KIT: variants seen among roughly 807,000 people sequenced by gnomAD.
The protein encoded by KIT is mast/stem cell growth factor receptor Kit.
KIT carries 16 observed loss-of-function variants against 105.7 expected under a neutral mutation model. The ratio of observed to expected loss-of-function variants is 0.15; its 90% CI spans 0.10 to 0.23. The LOEUF (loss-of-function observed/expected upper bound fraction) is 0.23. Ranked by LOEUF, KIT falls within the 10% of genes least tolerant of loss-of-function variation. KIT has a pLI of 1.00. For synonymous variants in KIT, 438 were observed against 441.1 expected (o/e 0.99, Z 0.09); for missense variants, 858 against 1,213.8 (o/e 0.71, Z 4.36).
Position 54,710,221 on chromosome 4 carries a change from G to A in KIT, c.1231+682G>A, listed in dbSNP as rs975327225. Among the ~76,000 whole-genome samples, 4 of 152,198 alleles carry A rather than the reference G, an allele frequency of 2.6e-5. 1 individual carries two copies. Among genetic ancestry groups the A allele is most frequent in the African/African-American group, 9.6e-5 (4 of 41,452 alleles). ...AGCCCGATCATGAGCTGGACCTTTTGCCAAGTGCAGGGCTTCTTCCTGGCT... is the reference window on the plus strand; with the variant it reads ...AGCCCGATCATGAGCTGGACCTTTTACCAAGTGCAGGGCTTCTTCCTGGCT... On this transcript the variant is annotated intron_variant, in intron 7 of 20. Transcript: ENST00000288135.
intron 1 of KIT, 51 bp downstream of exon 1, chr4:54,658,132 G>C: frequency 6.3e-7 from 1 of 1,580,738 alleles, no homozygotes; most frequent in Non-Finnish European, 8.7e-7. Flanking sequence ...GGCGAAGCCT[G>C]TGCCTGGGAG....
At chr4:54,678,375 T>TCCCTCCCC (rs1718665594) in intron 1 of KIT, among the ~76,000 whole-genome samples, 1 of 67,280 alleles carries the variant, frequency 1.5e-5, no homozygotes, top group African/African-American at 5.3e-5. Context: ...CCTCCCTCCC[T>TCCCTCCCC]CCCCCAATCC....
chr4:54,692,253 CT>C (rs1369422233), intron 1 of KIT, among the ~76,000 whole-genome samples: 1 of 152,180 alleles, frequency 6.6e-6, no homozygotes, highest in African/African-American at 2.4e-5. Context: ...AAAGGCTTTC[CT>C]GCTTTTCTAT....
rs766123990 is a variant in KIT, at chr4:54,695,497, T to C, written c.68-15T>C. Reference sequence around the variant, plus strand: ...AAGAAGATCATACTCAACACGATTCTGTTTTTCTTGGCAGGCTCTTCTCAA... The same window carrying C: ...AAGAAGATCATACTCAACACGATTCCGTTTTTCTTGGCAGGCTCTTCTCAA... On this transcript the variant is annotated splice_polypyrimidine_tract_variant and intron_variant, in intron 1 of 20. Coordinates refer to ENST00000288135, the MANE Select transcript of KIT (RefSeq NM_000222.3). The C allele has an allele frequency of 5.0e-6, 8 of 1,613,950 alleles. No homozygotes were observed. The highest frequency in any genetic ancestry group is 1.6e-4 in the Middle Eastern group (1 of 6,080).
intron 1 of KIT, among the ~76,000 whole-genome samples, chr4:54,691,766 G>C (rs1418754537): frequency 6.6e-6 from 1 of 152,058 alleles, no homozygotes; most frequent in African/African-American, 2.4e-5. Flanking sequence ...GCGGCTGGCG[G>C]GGAGTCTTTT....
In KIT at chr4:54,731,350, A is replaced by C; in HGVS notation, c.2164A>C (p.Met722Leu). ...SSCSDSTNEYMDMKPGVSYVV... is the reference protein window; with the variant it reads ...SSCSDSTNEYLDMKPGVSYVV... ...CAGCAGCGATAGTACTAATGAGTAC[A>C]TGGACATGAAACCTGGAGTTTCTTA... Residue 722 changes from methionine (M) to leucine (L), a missense_variant, in exon 15 of 21, where the codon ATG (methionine) becomes CTG (leucine). Physicochemically the swap from Met to Leu is conservative, Grantham distance 15. Around this residue, in one of 7 missense-constraint regions of KIT, gnomAD observed 158 missense variants for 218.7 expected, o/e 0.72. Transcript: ENST00000288135. 1 of 1,613,360 alleles carries C rather than the reference A, an allele frequency of 6.2e-7. No individual in the cohort carries two copies. The highest frequency in any genetic ancestry group is 8.5e-7 in the Non-Finnish European group (1 of 1,179,386).
intron 2 of KIT, among the ~76,000 whole-genome samples, chr4:54,696,810 CAA>C (rs779690395): frequency 2.3e-4 from 35 of 152,368 alleles, no homozygotes; most frequent in Admixed American, 1.6e-3. Context: ...TAGGTAGCTG[CAA>C]AGAGATATAC....
chr4:54,678,629 C>A (rs1718688696), intron 1 of KIT, among the ~76,000 whole-genome samples: 1 of 151,968 alleles, frequency 6.6e-6, no homozygotes, highest in Non-Finnish European at 1.5e-5. Flanking sequence ...TGTCTGACTC[C>A]AAAACCCACA....
rs550809842 is a variant in KIT at position 54,704,367 on chromosome 4, C to G, written c.925+475C>G. Among the ~76,000 whole-genome samples the G allele has an allele frequency of 4.6e-5, 7 of 152,240 alleles. No individual in the cohort carries two copies. In the East Asian group the frequency reaches 1.2e-3, roughly 25 times the overall value. ...GTAAGGACTGAATTGGACTTTTCCT[C>G]CCTAGTATTCCCTACCTCCTTATCT... On this transcript the variant is annotated intron_variant, in intron 5 of 20. Transcript: ENST00000288135.
intron 7 of KIT, among the ~76,000 whole-genome samples, chr4:54,712,827 T>C (rs908755199): frequency 6.6e-6 from 1 of 152,188 alleles, no homozygotes; most frequent in Admixed American, 6.5e-5. Context: ...TCACTGGATA[T>C]ACAGATGAGG....
At chr4:54,663,797 C>G (rs1411488257) in intron 1 of KIT, among the ~76,000 whole-genome samples, 1 of 152,074 alleles carries the variant, frequency 6.6e-6, no homozygotes, top group Non-Finnish European at 1.5e-5. Context: ...TGTCCATTGC[C>G]CCAGGCTAGA....
At chr4:54,734,136 T>C (rs1211074135) in intron 17 of KIT, among the ~76,000 whole-genome samples, 3 of 152,182 alleles carry the variant, frequency 2.0e-5, no homozygotes, top group Non-Finnish European at 2.9e-5. Flanking sequence ...TCAGGAGTGA[T>C]AATAAAAACA....
chr4:54,730,697 A>G (rs946562369), intron 14 of KIT, among the ~76,000 whole-genome samples: 2 of 152,002 alleles, frequency 1.3e-5, no homozygotes, highest in African/African-American at 2.4e-5. Context: ...GGGATCCCAT[A>G]TGGGATTGGA....
chr4:54,670,840 C>T lies in KIT; in HGVS notation c.67+12759C>T, dbSNP rs1006102239. On this transcript the variant is annotated intron_variant, in intron 1 of 20. Transcript: ENST00000288135. The stretch of plus-strand genomic sequence containing the variant: ...TGTACAGAGCGGGCTTGCTGGGTTT[C>T]ACCACTCTGTCCATCACTGTTAGGC... Among the ~76,000 whole-genome samples the T allele has an allele frequency of 2.0e-5, 3 of 152,298 alleles. No individual in the cohort carries two copies. The South Asian group carries it at 6.2e-4, about 32-fold the overall frequency.
chr4:54,705,049 C>T (rs140997320), intron 5 of KIT, among the ~76,000 whole-genome samples: 1 of 152,244 alleles, frequency 6.6e-6, no homozygotes, highest in Non-Finnish European at 1.5e-5. Flanking sequence ...TGATTGTGAA[C>T]CATTTATTAA....
chr4:54,722,878 T>G (rs1951558906), intron 7 of KIT, among the ~76,000 whole-genome samples: 2 of 137,590 alleles, frequency 1.5e-5, no homozygotes, highest in African/African-American at 6.1e-5. Flanking sequence ...TATATATTTA[T>G]ATATATGTAT....
In KIT at chr4:54,718,882, T is replaced by A. The variant is rs558667656; in HGVS notation, c.1232-4702T>A. On this transcript the variant is annotated intron_variant, in intron 7 of 20. Coordinates refer to ENST00000288135, the MANE Select transcript of KIT (RefSeq NM_000222.3). ...CAAAATATCTATCCTGGGAATTTTT[T>A]AAAAAGTATAATATTCCTTTTATAA... Among the ~76,000 whole-genome samples the A allele has an allele frequency of 1.2e-4, 18 of 152,330 alleles. No individual in the cohort carries two copies. In the South Asian group the frequency reaches 2.7e-3, roughly 23 times the overall value.
chr4:54,715,543 A>G (rs1721432255), intron 7 of KIT, among the ~76,000 whole-genome samples: 1 of 150,828 alleles, frequency 6.6e-6, no homozygotes, highest in Non-Finnish European at 1.5e-5. Context: ...AGAGGAGGAA[A>G]GAGAGAGAGG....
chr4:54,696,486 A>G (rs987680493), intron 2 of KIT, among the ~76,000 whole-genome samples: 1 of 152,202 alleles, frequency 6.6e-6, no homozygotes, highest in African/African-American at 2.4e-5. Flanking sequence ...AAGTGACGGG[A>G]GGAGAAATAG....
Sources: gnomAD v4.1 joint callset for allele counts (sites outside exome capture counted in the v4.1 genomes callset) on GRCh38, gnomAD v4.1.1 for gene constraint, gnomAD v4.1.1 regional missense constraint, MANE v1.5 for transcripts, NCBI Gene and HGNC (gene_info 2026-07-23, HGNC 2026-07-21) for gene names.